The following AKAP12 variants were observed in gnomAD, a reference collection of about 807,000 sequenced individuals.
AKAP12 encodes A-kinase anchoring protein 12.
AKAP12 carries 32 observed loss-of-function variants against 79.9 expected under a neutral mutation model. That is an observed-to-expected ratio of 0.40 (90% CI 0.30 to 0.54). The LOEUF (loss-of-function observed/expected upper bound fraction) is 0.54. Ranked by LOEUF, AKAP12 falls within the 20% of genes least tolerant of loss-of-function variation. The pLI is 0.48. For missense variants in AKAP12, 2,074 were observed against 2,177.0 expected, an observed-to-expected ratio of 0.95 and a Z score of 0.94; for synonymous variants, 808 against 857.0, an observed-to-expected ratio of 0.94 and a Z score of 1.00.
rs764594860 is a variant in AKAP12, at chr6:151,351,486, T to C, written c.3095T>C (p.Ile1032Thr). Residue 1032 changes from isoleucine (I) to threonine (T), a missense_variant, in exon 4 of 5, where the codon ATA becomes ACA. Ile to Thr is a moderately conservative substitution (Grantham distance 89). This residue lies in a region of AKAP12 where 1,428 missense variants were observed against 1,451.0 expected (regional missense o/e 0.98). Transcript: ENST00000402676. The surrounding 1 kb of genome is among the most constrained non-coding windows in gnomAD (Gnocchi z 4.4). ...GAGGTGGAAGGTGGCGTACCTGACA[T>C]AGAAGAGCAAGAGAGGCGGACTCAA... ...VQEVEGGVPD[I>T]EEQERRTQEV... The C allele has an allele frequency of 1.2e-6, 2 of 1,614,060 alleles. No individual in the cohort carries two copies.
chr6:151,293,933 G>GA (rs1404437292), intron 2 of AKAP12, among the ~76,000 whole-genome samples: 3 of 151,026 alleles, frequency 2.0e-5, no homozygotes, highest in African/African-American at 4.9e-5. Flanking sequence ...TACCTTAGGG[G>GA]AAAAAAAGAA....
intron 3 of AKAP12, chr6:151,341,786 G>GGT: frequency 7.8e-7 from 1 of 1,286,914 alleles, no homozygotes; most frequent in East Asian, 5.6e-5. Flanking sequence ...GCCCGAGATG[G>GGT]GTGTGTGTGG....
intron 2 of AKAP12, among the ~76,000 whole-genome samples, chr6:151,245,730 G>A (rs1436781920): frequency 6.6e-6 from 1 of 150,970 alleles, no homozygotes; most frequent in Non-Finnish European, 1.5e-5. Context: ...TCATTGCATA[G>A]CAATATTCAT....
intron 2 of AKAP12, among the ~76,000 whole-genome samples, chr6:151,299,399 C>T (rs1776806503): frequency 1.3e-5 from 2 of 152,112 alleles, no homozygotes; most frequent in Non-Finnish European, 2.9e-5. Context: ...CGTGTCTGTT[C>T]TCCCAATTTC....
chr6:151,275,794 T>A (rs1776282445), intron 2 of AKAP12, among the ~76,000 whole-genome samples: 1 of 152,210 alleles, frequency 6.6e-6, no homozygotes, highest in Non-Finnish European at 1.5e-5. Context: ...AGCCGCCAAG[T>A]GGTGCCTTTG....
At chr6:151,347,389 T>C (rs906248380) in intron 3 of AKAP12, among the ~76,000 whole-genome samples, 32 of 152,352 alleles carry the variant, frequency 2.1e-4, no homozygotes, top group African/African-American at 7.5e-4. Context: ...TCAAACCCTA[T>C]ATTTCCTGTT....
chr6:151,330,249 C>G lies in AKAP12; in HGVS notation c.320-18462C>G, dbSNP rs2114792451. 2.0e-5 allele frequency among the ~76,000 whole-genome samples: 3 copies of G among 152,294 alleles called. 1 individual carries two copies. Among genetic ancestry groups the G allele is most frequent in the Middle Eastern group, 6.8e-3 (2 of 294 alleles). On this transcript the variant is annotated intron_variant, in intron 3 of 4. Transcript: ENST00000402676. Reference sequence around the variant, plus strand: ...TGAGGTAGGAGAATCACTTGCACCACTGAATTCCAGCCTGAGCAACAGAGC... The same window carrying G: ...TGAGGTAGGAGAATCACTTGCACCAGTGAATTCCAGCCTGAGCAACAGAGC...
chr6:151,325,255 C>G (rs1777494405), intron 3 of AKAP12: 1 of 985,272 alleles, frequency 1.0e-6, no homozygotes, highest in African/African-American at 1.7e-5. Context: ...AACCTTTAAA[C>G]AAACATAAGG....
In AKAP12 at chr6:151,315,966, C is replaced by G. The variant is rs866608003; in HGVS notation, c.319+10063C>G. ...GAGAACAGCATGAGGGTAACTGCCC[C>G]CATGATTAAATTTCCTCCCACTGAG... On this transcript the variant is annotated intron_variant, in intron 3 of 4. Transcript: ENST00000402676. 7.9e-5 allele frequency among the ~76,000 whole-genome samples: 12 copies of G among 152,186 alleles called. No homozygotes were observed. In the South Asian group the frequency reaches 2.1e-3, roughly 26 times the overall value.
chr6:151,248,241 G>A lies in AKAP12; in HGVS notation c.162+7517G>A, dbSNP rs1482307713. On this transcript the variant is annotated intron_variant, in intron 2 of 4. Coordinates refer to ENST00000402676, the MANE Select transcript of AKAP12 (RefSeq NM_005100.4). ...TGGATTTATTGAATTAGAATCCCAG[G>A]CAATCTCAGGGTCTGGGATTCTGTG... 4.6e-5 allele frequency among the ~76,000 whole-genome samples: 7 copies of A among 150,828 alleles called. 1 individual carries two copies.
In AKAP12 at chr6:151,341,050, T is replaced by C. The variant is rs540777004; in HGVS notation, c.320-7661T>C. On this transcript the variant is annotated intron_variant, in intron 3 of 4. Coordinates refer to ENST00000402676, the MANE Select transcript of AKAP12 (RefSeq NM_005100.4). ...GTCCTTTTTGTTTGTTTTTGTTTCT[T>C]TTTTTTCTTTTTTTTTTTTTTGACA... Among the ~76,000 whole-genome samples the C allele has an allele frequency of 4.3e-5, 5 of 117,250 alleles. No homozygotes were observed. In the East Asian group the frequency reaches 1.3e-3, roughly 30 times the overall value. 76.9% of individuals were successfully genotyped at this position (117,250 alleles called of 152,430 possible).
At chr6:151,273,199 G>GC (rs1776225361) in intron 2 of AKAP12, among the ~76,000 whole-genome samples, 1 of 152,154 alleles carries the variant, frequency 6.6e-6, no homozygotes, top group Non-Finnish European at 1.5e-5. Flanking sequence ...GAGCCACCGC[G>GC]CCCCGCCCAG....
chr6:151,312,783 A>ACT (rs60524223), intron 3 of AKAP12, among the ~76,000 whole-genome samples: 6,267 of 123,014 alleles, frequency 0.051, 343 homozygotes, highest in African/African-American at 0.14. Flanking sequence ...CAAGAGGGAG[A>ACT]CTCTGTCTCC....
intron 2 of AKAP12, among the ~76,000 whole-genome samples, chr6:151,255,094 A>C (rs1347797310): frequency 6.6e-6 from 1 of 152,074 alleles, no homozygotes; most frequent in Non-Finnish European, 1.5e-5. Flanking sequence ...ATGTGCCTGC[A>C]CCCTTGTCAA....
intron 2 of AKAP12, among the ~76,000 whole-genome samples, chr6:151,247,269 C>T (rs1300254467): frequency 1.4e-4 from 21 of 152,074 alleles, no homozygotes; most frequent in South Asian, 6.2e-4. Flanking sequence ...GGTGCGGTGA[C>T]GTGTACCTGT....
intron 4 of AKAP12, 74 bp downstream of exon 4, chr6:151,353,826 C>T (rs1292892058): frequency 5.8e-6 from 6 of 1,040,526 alleles, no homozygotes; most frequent in East Asian, 5.2e-5. Flanking sequence ...CATAAGGAAT[C>T]GGGAGCAAAT....
At position 151,240,711 on chromosome 6, in the gene AKAP12, A is replaced by G; in HGVS notation, c.149A>G (p.Asp50Gly). The change falls in exon 2 of 5, where the codon GAC becomes GGC. Residue 50 changes from aspartate to glycine, a missense_variant. Coordinates refer to ENST00000402676, the MANE Select transcript of AKAP12 (RefSeq NM_005100.4). ...TTADPAIAAS[D>G]PATKLLQKNG... Reference sequence around the variant, plus strand: ...GCGGACCCCGCCATCGCTGCCTCGGACCCCGCCACCAAGGTACGGGCGTGC... The same window carrying G: ...GCGGACCCCGCCATCGCTGCCTCGGGCCCCGCCACCAAGGTACGGGCGTGC... The G allele has an allele frequency of 9.9e-7, 1 of 1,007,476 alleles. No homozygotes were observed. The allele number at this position is 1,007,476 out of a possible 1,614,324, so 62.4% of individuals were successfully genotyped here. A position where few individuals can be genotyped will look rare whatever the true frequency, so the allele number is the denominator to read the frequency against.
chr6:151,280,626 T>G (rs1267308625), intron 2 of AKAP12: 9 of 149,274 alleles, frequency 6.0e-5, no homozygotes, highest in Admixed American at 4.2e-4. Flanking sequence ...TTTCTTTTCT[T>G]TCTTTTTCTT....
intron 3 of AKAP12, among the ~76,000 whole-genome samples, chr6:151,344,714 A>G: frequency 6.6e-6 from 1 of 151,990 alleles, no homozygotes; most frequent in Admixed American, 6.6e-5. Flanking sequence ...TTGTATTTTT[A>G]GTAGAGACGG....
Sources: gnomAD v4.1 joint callset for allele counts (sites outside exome capture counted in the v4.1 genomes callset) on GRCh38, gnomAD v4.1.1 for gene constraint, gnomAD v4.1.1 regional missense constraint, Gnocchi (gnomAD v3.1) non-coding constraint, MANE v1.5 for transcripts, NCBI Gene and HGNC (gene_info 2026-07-23, HGNC 2026-07-21) for gene names.